NALF1: variants seen among roughly 807,000 people sequenced by gnomAD.
The protein encoded by NALF1 is family with sequence similarity 155 member A.
In NALF1, 3 loss-of-function variants were observed where a neutral mutation model predicts 48.4. The observed-to-expected ratio is 0.06, with a 90% CI of 0.03 to 0.16. The LOEUF is 0.16. NALF1 is among the 10% of genes least tolerant of loss of function. The pLI, the probability that NALF1 is intolerant of heterozygous loss-of-function variation, is 1.00. For synonymous variants in NALF1, 262 were observed against 245.7 expected, an observed-to-expected ratio of 1.07 and a Z score of -0.62; for missense variants, 526 against 571.5, an observed-to-expected ratio of 0.92 and a Z score of 0.81.
At position 107,272,195 on chromosome 13, in the gene NALF1, ATTTTTTTTTTTTTT is replaced by A. The variant is rs776753457; in HGVS notation, c.916-61454_916-61441del. 3.6e-3 allele frequency among the ~76,000 whole-genome samples: 81 copies of A among 22,584 alleles called. 20 individuals are homozygous for A. The highest frequency in any genetic ancestry group is 7.3e-3 in the African/African-American group (76 of 10,408). 14.8% of individuals were successfully genotyped at this position (22,584 alleles called of 152,430 possible). A position where few individuals can be genotyped will look rare whatever the true frequency, so the allele number is the denominator to read the frequency against. On this transcript the variant is annotated intron_variant, in intron 1 of 2. Transcript: ENST00000375915. The stretch of plus-strand genomic sequence containing the variant: ...GCTGACAAAATAAGCAGACCTTAGA[ATTTTTTTTTTTTTT>A]TTTTTTTTTTTTTTTTGAGACGGAG...
rs370719171 is a variant in NALF1 at position 107,440,405 on chromosome 13, C to A, written c.916-229650G>T. ...GTTTCGCATAGGTGGCGCGACGAAG[C>A]CAGCTTGCAAGAATGTGCCACATTC... On this transcript the variant is annotated intron_variant, in intron 1 of 2. Transcript: ENST00000375915. Among the ~76,000 whole-genome samples the A allele has an allele frequency of 1.1e-4, 17 of 152,262 alleles. No individual in the cohort carries two copies. In the East Asian group the frequency reaches 2.1e-3, roughly 19 times the overall value.
intron 1 of NALF1, among the ~76,000 whole-genome samples, chr13:107,634,462 T>G (rs1370297415): frequency 6.6e-6 from 1 of 152,140 alleles, no homozygotes; most frequent in Non-Finnish European, 1.5e-5. Flanking sequence ...AAAAAATTAA[T>G]GTATATGAAC....
intron 1 of NALF1, among the ~76,000 whole-genome samples, chr13:107,592,968 C>T (rs1274203802): frequency 6.6e-6 from 1 of 151,814 alleles, no homozygotes; most frequent in Non-Finnish European, 1.5e-5. Flanking sequence ...TATAAGCAAG[C>T]ATAAATCTTT....
At chr13:107,798,553 T>G (rs1180825978) in intron 1 of NALF1, among the ~76,000 whole-genome samples, 2 of 152,220 alleles carry the variant, frequency 1.3e-5, no homozygotes, top group Non-Finnish European at 2.9e-5. Flanking sequence ...ACTTCAGTTC[T>G]CGTGTTTGTG....
chr13:107,693,341 A>AGGGGG (rs1381702678), intron 1 of NALF1, among the ~76,000 whole-genome samples: 1 of 100,686 alleles, frequency 9.9e-6, no homozygotes. Context: ...GGGGGGCGGG[A>AGGGGG]GGGATAGCAT....
rs573608308 is a variant in NALF1 at position 107,614,863 on chromosome 13, C to T, written c.915+250819G>A. The stretch of plus-strand genomic sequence containing the variant: ...TGCAATCTTTGCTCACTGAAACTTC[C>T]GCCTCTCGGTTCAAGTGATTCTCCT... On this transcript the variant is annotated intron_variant, in intron 1 of 2. Transcript: ENST00000375915. 9.2e-5 allele frequency among the ~76,000 whole-genome samples: 14 copies of T among 151,844 alleles called. No individual in the cohort carries two copies. In the South Asian group the frequency reaches 2.1e-3, roughly 23 times the overall value.
At chr13:107,669,527 G>T (rs1880941206) in intron 1 of NALF1, among the ~76,000 whole-genome samples, 1 of 152,126 alleles carries the variant, frequency 6.6e-6, no homozygotes, top group African/African-American at 2.4e-5. Flanking sequence ...TGGATTCTCT[G>T]AAGAAGCACG....
At position 107,552,434 on chromosome 13, in the gene NALF1, C is replaced by T. The variant is rs567167055; in HGVS notation, c.915+313248G>A. Among the ~76,000 whole-genome samples, 5 of 152,152 alleles carry T rather than the reference C, an allele frequency of 3.3e-5. No individual in the cohort carries two copies. In the South Asian group the frequency reaches 6.2e-4, roughly 19 times the overall value. On this transcript the variant is annotated intron_variant, in intron 1 of 2. Coordinates refer to ENST00000375915, the MANE Select transcript of NALF1 (RefSeq NM_001080396.3). ...AGCAAATTAGATAATATTAGGAAAACGCACAGCTAATTTAATAGAATTTCC... is the reference window on the plus strand; with the variant it reads ...AGCAAATTAGATAATATTAGGAAAATGCACAGCTAATTTAATAGAATTTCC...
chr13:107,536,183 TA>T (rs1313861313), intron 1 of NALF1, among the ~76,000 whole-genome samples: 1 of 152,142 alleles, frequency 6.6e-6, no homozygotes, highest in African/African-American at 2.4e-5. Flanking sequence ...ACTTCACGTC[TA>T]AAACACCAAA....
At chr13:107,752,092 T>C (rs951301546) in intron 1 of NALF1, among the ~76,000 whole-genome samples, 7 of 152,044 alleles carry the variant, frequency 4.6e-5, no homozygotes, top group Non-Finnish European at 1.0e-4. Context: ...ACAGAAAATA[T>C]TAAATAATTT....
intron 1 of NALF1, among the ~76,000 whole-genome samples, chr13:107,680,509 C>T (rs370032538): frequency 2.0e-5 from 3 of 151,364 alleles, no homozygotes; most frequent in African/African-American, 4.9e-5. Context: ...TGTGTATGCA[C>T]GAGTGAGGGT....
At chr13:107,638,757 A>C (rs1880061075) in intron 1 of NALF1, among the ~76,000 whole-genome samples, 1 of 152,148 alleles carries the variant, frequency 6.6e-6, no homozygotes, top group South Asian at 2.1e-4. Flanking sequence ...ATTTTGGAGA[A>C]AAGCTCTCTG....
intron 1 of NALF1, among the ~76,000 whole-genome samples, chr13:107,604,354 CCTTT>C (rs1174350351): frequency 2.6e-5 from 4 of 151,932 alleles, no homozygotes; most frequent in African/African-American, 9.7e-5. Context: ...TCTTTTTCCC[CCTTT>C]CTTTCTAAGG....
rs557132830 is a variant in NALF1, at chr13:107,693,691, T to C, written c.915+171991A>G. ...GTTGCTTATTTAGTACTTTCTACTATATCGCCATTCTAATTGCCACAGAAC... is the reference window on the plus strand; with the variant it reads ...GTTGCTTATTTAGTACTTTCTACTACATCGCCATTCTAATTGCCACAGAAC... On this transcript the variant is annotated intron_variant, in intron 1 of 2. Coordinates refer to ENST00000375915, the MANE Select transcript of NALF1 (RefSeq NM_001080396.3). Among the ~76,000 whole-genome samples the C allele has an allele frequency of 9.9e-5, 15 of 152,172 alleles. No homozygotes were observed. In the South Asian group the frequency reaches 3.1e-3, roughly 32 times the overall value.
intron 1 of NALF1, among the ~76,000 whole-genome samples, chr13:107,733,555 A>G (rs1039379151): frequency 1.1e-4 from 16 of 152,004 alleles, no homozygotes; most frequent in Non-Finnish European, 2.2e-4. Flanking sequence ...CAAATAGTCA[A>G]AGAGAGTAAC....
chr13:107,548,244 T>TA (rs1285306050), intron 1 of NALF1, among the ~76,000 whole-genome samples: 1 of 152,098 alleles, frequency 6.6e-6, no homozygotes, highest in Admixed American at 6.6e-5. Flanking sequence ...CTTCCTGTGT[T>TA]AGTTTGCTAA....
intron 1 of NALF1, among the ~76,000 whole-genome samples, chr13:107,828,593 ATATC>A (rs1435082407): frequency 2.6e-5 from 2 of 75,478 alleles, no homozygotes; most frequent in African/African-American, 8.4e-5. Context: ...CTATCTATCT[ATATC>A]TATATCTATA....
At chr13:107,851,647 T>C (rs9520605) in intron 1 of NALF1, among the ~76,000 whole-genome samples, 57,849 of 151,914 alleles carry the variant, frequency 0.38, 13,374 homozygotes, top group Non-Finnish European at 0.53. Context: ...CAGGTTGAAA[T>C]TGCTGCACTG....
chr13:107,198,348 G>A (rs1251503244), intron 2 of NALF1, among the ~76,000 whole-genome samples: 1 of 152,108 alleles, frequency 6.6e-6, no homozygotes. Context: ...TCCTTCAAAA[G>A]GAGATTCATA....
Sources: allele counts gnomAD v4.1 joint callset (sites outside exome capture counted in the v4.1 genomes callset), GRCh38; gene constraint gnomAD v4.1.1; transcripts MANE v1.5; gene names NCBI Gene and HGNC (gene_info 2026-07-23, HGNC 2026-07-21).